The following ZFP2 variants were observed in gnomAD, a reference collection of about 807,000 sequenced individuals.
The protein encoded by ZFP2 is ZFP2 zinc finger protein.
ZFP2 carries 33 observed loss-of-function variants against 36.1 expected under a neutral mutation model. The ratio of observed to expected loss-of-function variants is 0.92; its 90% CI spans 0.69 to 1.22. The LOEUF is 1.22. Among genes scored for constraint, ZFP2 ranks in the 50% most tolerant of loss-of-function variants. ZFP2 has a pLI of 0.00. For synonymous variants in ZFP2, 170 were observed against 178.0 expected, an observed-to-expected ratio of 0.96 and a Z score of 0.36; for missense variants, 522 against 551.4, an observed-to-expected ratio of 0.95 and a Z score of 0.53.
chr5:178,898,394 A>C (rs1436427425), intron 1 of ZFP2, among the ~76,000 whole-genome samples: 1 of 152,266 alleles, frequency 6.6e-6, no homozygotes. Flanking sequence ...TTGTGCAAGA[A>C]TATGTCATGT....
intron 4 of ZFP2, among the ~76,000 whole-genome samples, chr5:178,930,314 CTTTTTTTTTTT>C (rs990713790): frequency 1.1e-4 from 8 of 71,326 alleles, no homozygotes; most frequent in African/African-American, 3.0e-4. Flanking sequence ...TTTCCCTTTC[CTTTTTTTTTTT>C]TTTTTTTTTT....
chr5:178,927,663 A>ATGTGTG (rs33974182), intron 4 of ZFP2, among the ~76,000 whole-genome samples: 1,918 of 92,382 alleles, frequency 0.021, 31 homozygotes, highest in Non-Finnish European at 0.031. Context: ...TACCTGGCCA[A>ATGTGTG]TGTGTGTGTG....
chr5:178,922,609 T>C (rs919557450), intron 4 of ZFP2: 3 of 1,576,162 alleles, frequency 1.9e-6, no homozygotes. Context: ...GCATGGCAGG[T>C]ATGGCCCATC....
At chr5:178,903,573 G>A (rs6897783) in intron 1 of ZFP2, among the ~76,000 whole-genome samples, 73,556 of 151,980 alleles carry the variant, frequency 0.48, 18,043 homozygotes, top group Middle Eastern at 0.54. Flanking sequence ...CCAGTATTCT[G>A]TCATGTTTCT....
chr5:178,918,249 G>A (rs1003589453), intron 4 of ZFP2, among the ~76,000 whole-genome samples: 5 of 152,106 alleles, frequency 3.3e-5, no homozygotes, highest in Admixed American at 1.3e-4. Context: ...ATGATTTATC[G>A]TGTTCATAAA....
At chr5:178,924,241 C>T (rs1466627824) in intron 4 of ZFP2, among the ~76,000 whole-genome samples, 2 of 147,540 alleles carry the variant, frequency 1.4e-5, no homozygotes, top group East Asian at 2.0e-4. Flanking sequence ...GGCATGGTGG[C>T]GGGCACCTAT....
At chr5:178,905,949 G>A (rs1758156555) in intron 1 of ZFP2, among the ~76,000 whole-genome samples, 4 of 151,888 alleles carry the variant, frequency 2.6e-5, no homozygotes, top group Admixed American at 2.6e-4. Flanking sequence ...ACAAGGTTTC[G>A]TCATGTTACC....
chr5:178,917,458 T>G (rs1163678497), intron 4 of ZFP2, among the ~76,000 whole-genome samples: 1 of 152,022 alleles, frequency 6.6e-6, no homozygotes, highest in Non-Finnish European at 1.5e-5. Context: ...CTACTAAAAA[T>G]ACAAAAATTA....
chr5:178,907,969 C>T (rs1341087305), intron 1 of ZFP2, among the ~76,000 whole-genome samples: 1 of 152,014 alleles, frequency 6.6e-6, no homozygotes, highest in African/African-American at 2.4e-5. Flanking sequence ...TGCAATAGGT[C>T]AAAGAAGGAA....
At chr5:178,912,075 G>A (rs1248617533) in intron 1 of ZFP2, among the ~76,000 whole-genome samples, 2 of 152,214 alleles carry the variant, frequency 1.3e-5, no homozygotes, top group Non-Finnish European at 2.9e-5. Flanking sequence ...GGAGGTTGCA[G>A]TAAGCCGAGA....
intron 4 of ZFP2, among the ~76,000 whole-genome samples, chr5:178,919,119 A>T (rs1365987508): frequency 6.6e-6 from 1 of 152,116 alleles, no homozygotes; most frequent in African/African-American, 2.4e-5. Flanking sequence ...ATTAGAGAGA[A>T]TTCTTCTAGG....
intron 4 of ZFP2, among the ~76,000 whole-genome samples, chr5:178,925,598 T>C (rs1056952473): frequency 4.0e-5 from 6 of 149,606 alleles, no homozygotes; most frequent in African/African-American, 1.5e-4. Flanking sequence ...TGGGCGGATG[T>C]GGTAATGGCA....
intron 4 of ZFP2, among the ~76,000 whole-genome samples, chr5:178,925,170 CATAT>C (rs1758645647): frequency 7.4e-6 from 1 of 135,036 alleles, no homozygotes; most frequent in African/African-American, 2.9e-5. Context: ...CACATATATA[CATAT>C]ACATATATAT....
intron 1 of ZFP2, chr5:178,910,165 CT>C: frequency 6.7e-7 from 1 of 1,489,928 alleles, no homozygotes; most frequent in Non-Finnish European, 9.4e-7. Flanking sequence ...GCATTTAATG[CT>C]TTGCAGCCAT....
At chr5:178,926,760 C>T (rs12520154) in intron 4 of ZFP2, among the ~76,000 whole-genome samples, 25,359 of 152,004 alleles carry the variant, frequency 0.17, 2,593 homozygotes, top group Middle Eastern at 0.24. Context: ...CCTGGTGATC[C>T]GTCCACCTCG....
At chr5:178,910,371 G>A in intron 1 of ZFP2, 3 of 1,036,368 alleles carry the variant, frequency 2.9e-6, no homozygotes, top group Non-Finnish European at 4.6e-6. Context: ...AGACTCCTCG[G>A]CACTGGAGTT....
At chr5:178,917,485 C>T (rs1260936775) in intron 4 of ZFP2, among the ~76,000 whole-genome samples, 2 of 152,022 alleles carry the variant, frequency 1.3e-5, no homozygotes, top group African/African-American at 2.4e-5. Context: ...TATGGTGGCA[C>T]GTACCTATAA....
At chr5:178,916,540 A>G in intron 3 of ZFP2, 25 bp from the exon 4 acceptor site, 2 of 985,426 alleles carry the variant, frequency 2.0e-6, no homozygotes, top group African/African-American at 3.5e-5. Context: ...GATGATTTGC[A>G]AACTCCAGAT....
intron 1 of ZFP2, among the ~76,000 whole-genome samples, chr5:178,907,168 C>T (rs1254931814): frequency 6.6e-6 from 1 of 152,018 alleles, no homozygotes; most frequent in Non-Finnish European, 1.5e-5. Context: ...CTCATGTTCT[C>T]TTTAGTGAAA....
Sources: allele counts gnomAD v4.1 joint callset (sites outside exome capture counted in the v4.1 genomes callset), GRCh38; gene constraint gnomAD v4.1.1; transcripts MANE v1.5; gene names NCBI Gene and HGNC (gene_info 2026-07-23, HGNC 2026-07-21).